The following CD2AP variants were observed in gnomAD, a reference collection of about 807,000 sequenced individuals.
The protein encoded by CD2AP is CD2-associated protein.
CD2AP carries 46 observed loss-of-function variants against 85.1 expected under a neutral mutation model. The observed-to-expected ratio is 0.54, with a 90% CI of 0.43 to 0.69. The LOEUF (loss-of-function observed/expected upper bound fraction) is 0.69, where lower values mean the gene tolerates loss of function less well. Ranked by LOEUF, CD2AP falls within the 30% of genes least tolerant of loss-of-function variation. The probability of loss-of-function intolerance (pLI) is 0.00; values close to 1 mark genes in which losing one functional copy is unlikely to be tolerated. For synonymous variants in CD2AP, 255 were observed against 252.9 expected (o/e 1.01, Z -0.08); for missense variants, 769 against 729.5 (o/e 1.05, Z -0.62).
chr6:47,592,004 T>G (rs1320978554), intron 11 of CD2AP, among the ~76,000 whole-genome samples: 1 of 152,036 alleles, frequency 6.6e-6, no homozygotes, highest in Non-Finnish European at 1.5e-5. Context: ...TTTTAATTTA[T>G]TTTTTTCTTT....
rs532070178 is a variant in CD2AP, at chr6:47,603,329, C to T, written c.1418-2836C>T. Among the ~76,000 whole-genome samples, 109 of 152,096 alleles carry T rather than the reference C, an allele frequency of 7.2e-4. 1 individual carries two copies. The Middle Eastern group carries it at 0.014, about 19-fold the overall frequency. On this transcript the variant is annotated intron_variant, in intron 13 of 17. Coordinates refer to ENST00000359314, the MANE Select transcript of CD2AP (RefSeq NM_012120.3). ...AACATATTTTTCTTCTTTGATACCA[C>T]AGAATTAAAATTGCTTTTCATCGTT...
intron 10 of CD2AP, among the ~76,000 whole-genome samples, chr6:47,581,289 A>G (rs1453016867): frequency 6.6e-6 from 1 of 152,200 alleles, no homozygotes; most frequent in Admixed American, 6.5e-5. Flanking sequence ...TGAAGGTTAA[A>G]CAAAGTAGAT....
chr6:47,538,345 G>A (rs1243422188), intron 3 of CD2AP, among the ~76,000 whole-genome samples: 3 of 151,984 alleles, frequency 2.0e-5, no homozygotes, highest in Non-Finnish European at 2.9e-5. Context: ...AGGTTCAACC[G>A]ATTCTCCTGC....
chr6:47,498,414 G>A (rs962007867), intron 1 of CD2AP, among the ~76,000 whole-genome samples: 1 of 152,100 alleles, frequency 6.6e-6, no homozygotes, highest in East Asian at 1.9e-4. Flanking sequence ...ATATGAATAC[G>A]TTTTAAAATT....
chr6:47,546,510 T>A (rs901186), intron 4 of CD2AP, among the ~76,000 whole-genome samples: 40,912 of 151,944 alleles, frequency 0.27, 5,695 homozygotes, highest in African/African-American at 0.33. Flanking sequence ...ACTTGGGAAA[T>A]TTATCACAAA....
intron 11 of CD2AP, among the ~76,000 whole-genome samples, chr6:47,595,612 A>G (rs1768918729): frequency 6.6e-6 from 1 of 152,120 alleles, no homozygotes; most frequent in Non-Finnish European, 1.5e-5. Flanking sequence ...AGCAGGCATT[A>G]TCTACTAATC....
At chr6:47,520,765 T>G (rs1181888136) in intron 2 of CD2AP, among the ~76,000 whole-genome samples, 1 of 148,870 alleles carries the variant, frequency 6.7e-6, no homozygotes, top group African/African-American at 2.5e-5. Flanking sequence ...CCCTGTGGTG[T>G]TTGACTGTGG....
At chr6:47,575,005 A>G (rs1390988896) in intron 6 of CD2AP, among the ~76,000 whole-genome samples, 1 of 152,150 alleles carries the variant, frequency 6.6e-6, no homozygotes, top group Non-Finnish European at 1.5e-5. Context: ...TGTTTTGGTT[A>G]TTGAGATACT....
intron 16 of CD2AP, 22 bp from the exon 17 acceptor site, chr6:47,612,451 G>A (rs1365119612): frequency 3.3e-6 from 5 of 1,500,782 alleles, no homozygotes; most frequent in Non-Finnish European, 4.6e-6. Flanking sequence ...AGACTTAACA[G>A]TAATAAGTAC....
intron 2 of CD2AP, among the ~76,000 whole-genome samples, chr6:47,525,732 G>A (rs1198367483): frequency 2.6e-5 from 4 of 152,132 alleles, no homozygotes; most frequent in South Asian, 2.1e-4. Flanking sequence ...ATTTGCATAT[G>A]TATTTCAGTT....
chr6:47,538,069 A>G (rs1249202579), intron 3 of CD2AP, among the ~76,000 whole-genome samples: 1 of 151,980 alleles, frequency 6.6e-6, no homozygotes, highest in Non-Finnish European at 1.5e-5. Flanking sequence ...TTTTAAAAAG[A>G]TACGACTGTA....
chr6:47,540,645 G>A (rs1161812373), intron 3 of CD2AP, among the ~76,000 whole-genome samples: 1 of 151,970 alleles, frequency 6.6e-6, no homozygotes, highest in Admixed American at 6.6e-5. Context: ...AAGAAATAAA[G>A]CTCTTGGGTA....
chr6:47,605,484 C>T (rs150526991), intron 13 of CD2AP, among the ~76,000 whole-genome samples: 2 of 151,882 alleles, frequency 1.3e-5, no homozygotes, highest in Non-Finnish European at 2.9e-5. Flanking sequence ...AGTTGGTAAT[C>T]CATGTAGCTT....
intron 2 of CD2AP, among the ~76,000 whole-genome samples, chr6:47,523,765 G>A (rs1766654484): frequency 6.6e-6 from 1 of 152,036 alleles, no homozygotes; most frequent in Admixed American, 6.6e-5. Context: ...AAGTGTACTC[G>A]CATAGCATAT....
chr6:47,618,657 A>G (rs1339102690), intron 17 of CD2AP, among the ~76,000 whole-genome samples: 1 of 152,236 alleles, frequency 6.6e-6, no homozygotes, highest in Non-Finnish European at 1.5e-5. Context: ...ACATGTTTAT[A>G]TTCATATGTG....
intron 2 of CD2AP, among the ~76,000 whole-genome samples, chr6:47,511,028 G>A (rs1185560516): frequency 5.2e-5 from 7 of 134,222 alleles, no homozygotes; most frequent in South Asian, 2.4e-4. Flanking sequence ...AGCTGAGATC[G>A]CGCCACTGCA....
chr6:47,495,398 T>A (rs1330708909), intron 1 of CD2AP, among the ~76,000 whole-genome samples: 1 of 151,804 alleles, frequency 6.6e-6, no homozygotes, highest in East Asian at 1.9e-4. Flanking sequence ...GGGCATGGAG[T>A]GATTCTTCAG....
At chr6:47,605,150 A>G (rs1769235295) in intron 13 of CD2AP, among the ~76,000 whole-genome samples, 1 of 152,084 alleles carries the variant, frequency 6.6e-6, no homozygotes, top group African/African-American at 2.4e-5. Context: ...GGTAATGTGA[A>G]GAATTAATAC....
At chr6:47,503,660 G>A (rs1582484845) in intron 2 of CD2AP, among the ~76,000 whole-genome samples, 1 of 152,160 alleles carries the variant, frequency 6.6e-6, no homozygotes, top group East Asian at 1.9e-4. Flanking sequence ...ATATATGCTT[G>A]TATATGGTTG....
Sources: gnomAD v4.1 joint callset for allele counts (sites outside exome capture counted in the v4.1 genomes callset) on GRCh38, gnomAD v4.1.1 for gene constraint, MANE v1.5 for transcripts, NCBI Gene and HGNC (gene_info 2026-07-23, HGNC 2026-07-21) for gene names.